The following CYP27A1 variants were observed in gnomAD, a reference collection of about 807,000 sequenced individuals.
CYP27A1 encodes the protein sterol 26-hydroxylase, mitochondrial.
Under a neutral mutation model 58.2 loss-of-function variants are expected in CYP27A1, and 46 were observed. The observed-to-expected ratio is 0.79, with a 90% CI of 0.62 to 1.01. The LOEUF (loss-of-function observed/expected upper bound fraction) is 1.01, where lower values mean the gene tolerates loss of function less well. Ranked by LOEUF, CYP27A1 falls within the 50% of genes least tolerant of loss-of-function variation. The probability of loss-of-function intolerance (pLI) is 0.00; values close to 1 mark genes in which losing one functional copy is unlikely to be tolerated. For synonymous variants in CYP27A1, 274 were observed against 285.1 expected (o/e 0.96, Z 0.39); for missense variants, 704 against 687.0 (o/e 1.02, Z -0.28).
In CYP27A1 at chr2:218,814,777, T is replaced by G. The variant is rs1575207079; in HGVS notation, c.1476+20T>G. 2 of 1,613,450 alleles carry G rather than the reference T, an allele frequency of 1.2e-6. No individual in the cohort carries two copies. The highest frequency in any genetic ancestry group is 2.7e-5 in the African/African-American group (2 of 74,892). On this transcript the variant is annotated intron_variant, in intron 8 of 8. Coordinates refer to ENST00000258415, the MANE Select transcript of CYP27A1 (RefSeq NM_000784.4). ...GCAAGGGTGAGCTGGGAGAGGCTAGTAGGGTGTGTGGGCAGGGAGGGGTGG... is the reference window on the plus strand; with the variant it reads ...GCAAGGGTGAGCTGGGAGAGGCTAGGAGGGTGTGTGGGCAGGGAGGGGTGG...
At chr2:218,812,469 GGTT>G (rs1373836372) in intron 3 of CYP27A1, 48 bp downstream of exon 3, 2 of 1,609,616 alleles carry the variant, frequency 1.2e-6, no homozygotes, top group Non-Finnish European at 1.7e-6. Flanking sequence ...GTCAGGGAGA[GGTT>G]GTGCTCCCTC....
intron 1 of CYP27A1, among the ~76,000 whole-genome samples, chr2:218,786,393 C>T (rs1943441005): frequency 6.6e-6 from 1 of 152,158 alleles, no homozygotes; most frequent in African/African-American, 2.4e-5. Flanking sequence ...GTCCCTTGTG[C>T]CCTCAGTTGT....
At chr2:218,806,780 T>C (rs2105977635) in intron 1 of CYP27A1, among the ~76,000 whole-genome samples, 2 of 152,258 alleles carry the variant, frequency 1.3e-5, no homozygotes, top group South Asian at 4.1e-4. Context: ...TGTGGTAATA[T>C]TAAACCTACC....
rs1943402607 is a variant in CYP27A1 at position 218,782,499 on chromosome 2, G to A, written c.255+62G>A. On this transcript the variant is annotated intron_variant, in intron 1 of 8. Transcript: ENST00000258415. This position sits in a 1 kb window ranked among gnomAD's most constrained non-coding sequence, Gnocchi z 4.1. ...TGGGCACCGGAACAGAGAGGCTAGAGGTGAGAAGACGTTGGACAGAAAGTG... is the reference window on the plus strand; with the variant it reads ...TGGGCACCGGAACAGAGAGGCTAGAAGTGAGAAGACGTTGGACAGAAAGTG... 1 of 1,606,186 alleles carries A rather than the reference G, an allele frequency of 6.2e-7. No individual in the cohort carries two copies. The highest frequency in any genetic ancestry group is 1.3e-5 in the African/African-American group (1 of 74,962).
At chr2:218,806,242 A>G (rs114191222) in intron 1 of CYP27A1, among the ~76,000 whole-genome samples, 2,010 of 152,370 alleles carry the variant, frequency 0.013, 54 homozygotes, top group African/African-American at 0.046. Flanking sequence ...AACTTTAGAA[A>G]AATATTTCTT....
At chr2:218,814,322 G>A in intron 6 of CYP27A1, 58 bp from the exon 7 acceptor site, 1 of 1,600,686 alleles carries the variant, frequency 6.2e-7, no homozygotes, top group Non-Finnish European at 8.6e-7. Flanking sequence ...GAGAAGGAGT[G>A]GGGCACTTTG....
chr2:218,798,680 C>T (rs936143810), intron 1 of CYP27A1, among the ~76,000 whole-genome samples: 3 of 152,040 alleles, frequency 2.0e-5, no homozygotes, highest in Admixed American at 1.3e-4. Flanking sequence ...TCTAGGAATT[C>T]GAGACCAGCC....
chr2:218,810,984 A>G (rs964812085), intron 2 of CYP27A1, among the ~76,000 whole-genome samples: 10 of 150,610 alleles, frequency 6.6e-5, no homozygotes, highest in African/African-American at 2.2e-4. Context: ...CGACTCTACT[A>G]AAAAAAAATA....
intron 8 of CYP27A1, 59 bp from the exon 9 acceptor site, chr2:218,814,852 G>A: frequency 3.7e-6 from 6 of 1,614,096 alleles, no homozygotes; most frequent in Non-Finnish European, 5.1e-6. Context: ...AGTGTGCAGA[G>A]CGGGGAGTGG....
chr2:218,782,526 A>C lies in CYP27A1; in HGVS notation c.255+89A>C. On this transcript the variant is annotated intron_variant, in intron 1 of 8. Transcript: ENST00000258415. This position sits in a 1 kb window ranked among gnomAD's most constrained non-coding sequence, Gnocchi z 4.1. Reference sequence around the variant, plus strand: ...TGAGAAGACGTTGGACAGAAAGTGAAGGCTGCAGGAACTCAGCTGGGGACC... The same window carrying C: ...TGAGAAGACGTTGGACAGAAAGTGACGGCTGCAGGAACTCAGCTGGGGACC... 2.6e-6 allele frequency: 4 copies of C among 1,554,844 alleles called. No individual in the cohort carries two copies. The highest frequency in any genetic ancestry group is 3.5e-6 in the Non-Finnish European group (4 of 1,132,486).
chr2:218,782,386 C>T lies in CYP27A1; in HGVS notation c.204C>T (p.Phe68=). ...TTCCACGTCTAGGACAGCTGCGCTT[C>T]TTCTTTCAGCTGTTCGTTCAAGGCT... ...EEIPRLGQLR[F]FFQLFVQGYA... The change falls in exon 1 of 9, where the codon TTC becomes TTT. Residue 68 remains phenylalanine, a synonymous_variant. Transcript: ENST00000258415. The surrounding 1 kb of genome is among the most constrained non-coding windows in gnomAD (Gnocchi z 4.1). 6.2e-7 allele frequency: 1 copy of T among 1,614,198 alleles called. No homozygotes were observed. The highest frequency in any genetic ancestry group is 8.5e-7 in the Non-Finnish European group (1 of 1,179,982).
intron 4 of CYP27A1, 55 bp from the exon 5 acceptor site, chr2:218,812,869 C>T: frequency 6.2e-7 from 1 of 1,612,592 alleles, no homozygotes; most frequent in Non-Finnish European, 8.5e-7. Flanking sequence ...GCTCTTGGTC[C>T]TTGGAGATCA....
chr2:218,798,643 G>T (rs1214600742), intron 1 of CYP27A1, among the ~76,000 whole-genome samples: 1 of 152,198 alleles, frequency 6.6e-6, no homozygotes, highest in Non-Finnish European at 1.5e-5. Context: ...AGCACTTTGG[G>T]AGGCTGAGGC....
intron 1 of CYP27A1, among the ~76,000 whole-genome samples, chr2:218,808,931 T>C (rs1301707188): frequency 2.0e-5 from 3 of 152,178 alleles, no homozygotes; most frequent in Non-Finnish European, 2.9e-5. Flanking sequence ...AGTACTTTTT[T>C]TTATTTCTTT....
At position 218,812,542 on chromosome 2, in the gene CYP27A1, C is replaced by G; in HGVS notation, c.647-10C>G. The G allele has an allele frequency of 6.2e-7, 1 of 1,614,132 alleles. No homozygotes were observed. Among genetic ancestry groups the G allele is most frequent in the South Asian group, 1.1e-5 (1 of 91,086 alleles). Reference sequence around the variant, plus strand: ...TCTGCCTCCTGTGATGGCCTCTGTGCACTACTCAGCTATTTGCTACATCCT... The same window carrying G: ...TCTGCCTCCTGTGATGGCCTCTGTGGACTACTCAGCTATTTGCTACATCCT... On this transcript the variant is annotated splice_polypyrimidine_tract_variant and intron_variant, in intron 3 of 8. Transcript: ENST00000258415.
intron 5 of CYP27A1, among the ~76,000 whole-genome samples, chr2:218,813,393 A>G (rs1290390007): frequency 6.6e-6 from 1 of 152,090 alleles, no homozygotes; most frequent in Non-Finnish European, 1.5e-5. Context: ...ATTTGAATGG[A>G]GAGTTGGAAG....
chr2:218,803,160 G>A (rs1575202785), intron 1 of CYP27A1, among the ~76,000 whole-genome samples: 1 of 152,224 alleles, frequency 6.6e-6, no homozygotes, highest in East Asian at 1.9e-4. Context: ...GGCCAGGCTG[G>A]TCTTGAATTG....
intron 1 of CYP27A1, among the ~76,000 whole-genome samples, chr2:218,786,087 G>C (rs1327562675): frequency 6.6e-6 from 1 of 152,212 alleles, no homozygotes; most frequent in Non-Finnish European, 1.5e-5. Context: ...AGGAGTTTGA[G>C]ACCAGACTGA....
At chr2:218,799,781 C>A (rs923914234) in intron 1 of CYP27A1, among the ~76,000 whole-genome samples, 1 of 151,632 alleles carries the variant, frequency 6.6e-6, no homozygotes, top group African/African-American at 2.4e-5. Context: ...CTGAGAGTTT[C>A]TTCCAAATCC....
Sources: gnomAD v4.1 joint callset for allele counts (sites outside exome capture counted in the v4.1 genomes callset) on GRCh38, gnomAD v4.1.1 for gene constraint, Gnocchi (gnomAD v3.1) non-coding constraint, MANE v1.5 for transcripts, NCBI Gene and HGNC (gene_info 2026-07-23, HGNC 2026-07-21) for gene names.